ADAMTS17: variants seen among roughly 807,000 people sequenced by gnomAD.
The protein encoded by ADAMTS17 is A disintegrin and metalloproteinase with thrombospondin motifs 17.
ADAMTS17 carries 113 observed loss-of-function variants against 141.5 expected under a neutral mutation model. The ratio of observed to expected loss-of-function variants is 0.80; its 90% CI spans 0.69 to 0.93. The LOEUF (loss-of-function observed/expected upper bound fraction) is 0.93, where lower values mean the gene tolerates loss of function less well. Ranked by LOEUF, ADAMTS17 falls within the 40% of genes least tolerant of loss-of-function variation. The pLI, the probability that ADAMTS17 is intolerant of heterozygous loss-of-function variation, is 0.00. For missense variants in ADAMTS17, 1,659 were observed against 1,517.9 expected (o/e 1.09, Z -1.54); for synonymous variants, 768 against 630.6 (o/e 1.22, Z -3.27).
At chr15:100,186,922 C>T (rs2040739335) in intron 8 of ADAMTS17, among the ~76,000 whole-genome samples, 1 of 152,178 alleles carries the variant, frequency 6.6e-6, no homozygotes, top group Admixed American at 6.5e-5. Flanking sequence ...GTCTCATTTC[C>T]CTTTTGCAAG....
intron 6 of ADAMTS17, among the ~76,000 whole-genome samples, chr15:100,258,315 C>T (rs1389668834): frequency 6.6e-6 from 1 of 152,148 alleles, no homozygotes; most frequent in Non-Finnish European, 1.5e-5. Flanking sequence ...TGTGGCTGTA[C>T]CATTTTACAT....
At chr15:100,087,132 G>A (rs1436252666) in intron 15 of ADAMTS17, among the ~76,000 whole-genome samples, 1 of 152,118 alleles carries the variant, frequency 6.6e-6, no homozygotes, top group African/African-American at 2.4e-5. Flanking sequence ...GAATCAAATA[G>A]ACACAATACA....
chr15:100,096,440 T>G lies in ADAMTS17; in HGVS notation c.2053A>C (p.Lys685Gln), dbSNP rs779241675. 1 of 1,614,060 alleles carries G rather than the reference T, an allele frequency of 6.2e-7. No individual in the cohort carries two copies. Among genetic ancestry groups the G allele is most frequent in the African/African-American group, 1.3e-5 (1 of 74,932 alleles). The change falls in exon 15 of 22, where the codon AAA becomes CAA. Residue 685 changes from lysine (K) to glutamine (Q), a missense_variant. Coordinates refer to ENST00000268070, the MANE Select transcript of ADAMTS17 (RefSeq NM_139057.4). Reference protein sequence around the residue: ...GCDGIIGSAAKEDRCGVCSGD... With the variant: ...GCDGIIGSAAQEDRCGVCSGD... Reference sequence around the variant, plus strand: ...CTGCAGACCCCGCATCTGTCCTCTTTGGCTGCAGACCCGATGATGCCGTCA... The same window carrying G: ...CTGCAGACCCCGCATCTGTCCTCTTGGGCTGCAGACCCGATGATGCCGTCA...
intron 13 of ADAMTS17, among the ~76,000 whole-genome samples, chr15:100,116,416 G>C (rs894910926): frequency 6.6e-6 from 1 of 152,240 alleles, no homozygotes; most frequent in Non-Finnish European, 1.5e-5. Flanking sequence ...CAAGGATTAA[G>C]AGCCAATTCA....
At chr15:99,982,146 A>G (rs2060493459) in intron 20 of ADAMTS17, among the ~76,000 whole-genome samples, 1 of 152,256 alleles carries the variant, frequency 6.6e-6, no homozygotes, top group Non-Finnish European at 1.5e-5. Context: ...ATAGGAGCCT[A>G]GCCGGGGGTC....
chr15:100,201,048 T>C (rs1181794085), intron 7 of ADAMTS17, among the ~76,000 whole-genome samples: 2 of 152,186 alleles, frequency 1.3e-5, no homozygotes, highest in African/African-American at 2.4e-5. Flanking sequence ...TCATTAAAAA[T>C]GACCCCTCCT....
At chr15:100,261,664 A>C (rs1342427307) in intron 5 of ADAMTS17, 28 bp from the exon 6 acceptor site, 1 of 1,608,938 alleles carries the variant, frequency 6.2e-7, no homozygotes, top group Non-Finnish European at 8.5e-7. Context: ...ACAGTTAGAG[A>C]AACAAACGCC....
rs1335972336 is a variant in ADAMTS17 at position 100,133,245 on chromosome 15, G to T, written c.1544C>A (p.Pro515His). 6.3e-7 allele frequency: 1 copy of T among 1,599,150 alleles called. No individual in the cohort carries two copies. Among genetic ancestry groups the T allele is most frequent in the East Asian group, 2.2e-5 (1 of 44,720 alleles). Residue 515 changes from proline to histidine, a missense_variant, in exon 11 of 22, where the codon CCC becomes CAC. By Grantham distance (77) the Pro-to-His change is moderately conservative (BLOSUM62 -2). Coordinates refer to ENST00000268070, the MANE Select transcript of ADAMTS17 (RefSeq NM_139057.4). ...DTSCKTKLDP[P>H]LDGTECGADK... ...TGCCCCACACTCGGTGCCATCCAGG[G>T]GAGGGTCCAGCTTGGTCTTGCAGGA...
intron 2 of ADAMTS17, among the ~76,000 whole-genome samples, chr15:100,338,056 G>A (rs1051456087): frequency 6.6e-6 from 1 of 152,146 alleles, no homozygotes; most frequent in Non-Finnish European, 1.5e-5. Context: ...AAAGACTCTT[G>A]GAAATGTAAA....
chr15:100,249,843 T>C (rs150210459), intron 7 of ADAMTS17, among the ~76,000 whole-genome samples: 1 of 152,314 alleles, frequency 6.6e-6, no homozygotes, highest in African/African-American at 2.4e-5. Context: ...TTTAAACTAT[T>C]TTAAAAACAC....
At chr15:100,038,593 A>G (rs1596281062) in intron 18 of ADAMTS17, among the ~76,000 whole-genome samples, 1 of 152,306 alleles carries the variant, frequency 6.6e-6, no homozygotes, top group South Asian at 2.1e-4. Flanking sequence ...TGATGTTATT[A>G]TAGGTGGATT....
At chr15:100,313,160 C>T (rs2141868072) in intron 3 of ADAMTS17, among the ~76,000 whole-genome samples, 1 of 152,242 alleles carries the variant, frequency 6.6e-6, no homozygotes, top group Non-Finnish European at 1.5e-5. Flanking sequence ...TGAAAGCTTC[C>T]ATACTTCTTT....
At chr15:100,271,218 A>G (rs1014420939) in intron 4 of ADAMTS17, among the ~76,000 whole-genome samples, 1 of 152,174 alleles carries the variant, frequency 6.6e-6, no homozygotes, top group African/African-American at 2.4e-5. Flanking sequence ...TGGTGTATAA[A>G]TATCTGTTCT....
At chr15:100,259,765 C>T (rs1470614591) in intron 6 of ADAMTS17, among the ~76,000 whole-genome samples, 2 of 152,356 alleles carry the variant, frequency 1.3e-5, no homozygotes, top group East Asian at 3.9e-4. Flanking sequence ...TCAGGGCTGG[C>T]AATCGACGAA....
intron 3 of ADAMTS17, among the ~76,000 whole-genome samples, chr15:100,317,375 A>T (rs978973131): frequency 3.9e-5 from 6 of 152,180 alleles, no homozygotes; most frequent in Non-Finnish European, 8.8e-5. Flanking sequence ...AGAAACAATT[A>T]TCTGGTGACT....
intron 8 of ADAMTS17, 147 bp from the exon 9 acceptor site, chr15:100,155,467 A>G (rs2039390469): frequency 2.7e-6 from 3 of 1,124,936 alleles, no homozygotes; most frequent in Admixed American, 2.0e-5. Flanking sequence ...GCAGACCCAC[A>G]GTCATGTGTT....
chr15:100,082,384 TC>T (rs2034800614), intron 15 of ADAMTS17, among the ~76,000 whole-genome samples: 2 of 130,666 alleles, frequency 1.5e-5, no homozygotes, highest in South Asian at 2.2e-4. Flanking sequence ...GTTTTGATAG[TC>T]TTTTTTTTTT....
At chr15:100,110,200 T>C (rs1297232397) in intron 13 of ADAMTS17, among the ~76,000 whole-genome samples, 2 of 134,626 alleles carry the variant, frequency 1.5e-5, no homozygotes, top group East Asian at 3.9e-4. Flanking sequence ...CTGATATATA[T>C]ATATCAGTAT....
In ADAMTS17 at chr15:99,997,669, G is replaced by A. The variant is rs569576215; in HGVS notation, c.2592-80C>T. The A allele has an allele frequency of 1.9e-6, 3 of 1,570,730 alleles. No homozygotes were observed. The highest frequency in any genetic ancestry group is 2.2e-5 in the East Asian group (1 of 44,592). ...CGGAGGGCCTTCCGGCCGGATCCTG[G>A]AATTGCTGCCCTGTGGTGGGAGAGA... On this transcript the variant is annotated intron_variant, in intron 18 of 21. Transcript: ENST00000268070. The surrounding 1 kb of genome is among the most constrained non-coding windows in gnomAD (Gnocchi z 4.7).
Sources: gnomAD v4.1 joint callset for allele counts (sites outside exome capture counted in the v4.1 genomes callset) on GRCh38, gnomAD v4.1.1 for gene constraint, Gnocchi (gnomAD v3.1) non-coding constraint, MANE v1.5 for transcripts, NCBI Gene and HGNC (gene_info 2026-07-23, HGNC 2026-07-21) for gene names.